The following DCHS1 variants were observed in gnomAD, a reference collection of about 807,000 sequenced individuals.
The protein encoded by DCHS1 is dachsous cadherin-related 1, also known as protocadherin-16.
A neutral mutation model predicts 213.9 loss-of-function variants in DCHS1; 78 were observed. The observed-to-expected ratio is 0.36, with a 90% CI of 0.30 to 0.44. The LOEUF (loss-of-function observed/expected upper bound fraction) is 0.44, where lower values mean the gene tolerates loss of function less well. Among genes scored for constraint, DCHS1 ranks in the 20% least tolerant of loss-of-function variants. The pLI, the probability that DCHS1 is intolerant of heterozygous loss-of-function variation, is 1.00. For synonymous variants in DCHS1, 1,828 were observed against 1,873.7 expected (o/e 0.98, Z 0.63); for missense variants, 3,946 against 4,395.9 (o/e 0.90, Z 2.89).
At chr11:6,631,982 G>C in intron 6 of DCHS1, 49 bp downstream of exon 6, 2 of 1,485,522 alleles carry the variant, frequency 1.3e-6, no homozygotes, top group Non-Finnish European at 1.8e-6. Context: ...ATGTTCACCA[G>C]GCTGGGGATA....
At chr11:6,634,080 C>G (rs1855954205) in intron 3 of DCHS1, 38 bp downstream of exon 3, 40 of 1,599,012 alleles carry the variant, frequency 2.5e-5, no homozygotes, top group Non-Finnish European at 3.3e-5. Context: ...GAGTGCCCTA[C>G]CCCAACATCC....
Position 6,624,263 on chromosome 11 carries a change from C to A in DCHS1, c.7413G>T (p.Gln2471His), listed in dbSNP as rs1855755383. The A allele has an allele frequency of 1.2e-6, 2 of 1,611,482 alleles. No individual in the cohort carries two copies. Among genetic ancestry groups the A allele is most frequent in the African/African-American group, 1.3e-5 (1 of 74,926 alleles). Residue 2471 changes from glutamine (Q) to histidine (H), a missense_variant, in exon 21 of 21, where the codon CAG becomes CAT. Gln to His is a conservative substitution (Grantham distance 24). Around this residue, in one of 3 missense-constraint regions of DCHS1, gnomAD observed 3,384 missense variants for 3,780.1 expected, o/e 0.90. Coordinates refer to ENST00000299441, the MANE Select transcript of DCHS1 (RefSeq NM_003737.4). ...GGGCGTGGTCGTTCTGGTCCTGCAG[C>A]TGCACGTGCACTGTGGCTCGTGCTG... is the stretch of plus-strand genomic sequence containing the variant. ...GRAARATVHV[Q>H]LQDQNDHAPS... is the part of the protein sequence containing the mutation.
At position 6,628,416 on chromosome 11, in the gene DCHS1, GAAGA is replaced by G. The variant is rs1285156749; in HGVS notation, c.5371+201_5371+204del. 3.3e-5 allele frequency among the ~76,000 whole-genome samples: 5 copies of G among 152,170 alleles called. No individual in the cohort carries two copies. The highest frequency in any genetic ancestry group is 6.5e-5 in the Admixed American group (1 of 15,276). ...GACAAATGAGAAAGAAAAGAAATAG[GAAGA>G]TAGAAACAGAGACACACAGGGAGAT... On this transcript the variant is annotated intron_variant, in intron 13 of 20. Transcript: ENST00000299441. This position sits in a 1 kb window ranked among gnomAD's most constrained non-coding sequence, Gnocchi z 4.3.
rs1808058031 is a variant in DCHS1 at position 6,625,216 on chromosome 11, G to A, written c.7128C>T (p.Phe2376=). 1.3e-6 allele frequency: 2 copies of A among 1,598,406 alleles called. No individual in the cohort carries two copies. The highest frequency in any genetic ancestry group is 1.3e-5 in the African/African-American group (1 of 74,620). Residue 2376 remains phenylalanine (F), a synonymous_variant, in exon 19 of 21, where the codon TTC becomes TTT. Coordinates refer to ENST00000299441, the MANE Select transcript of DCHS1 (RefSeq NM_003737.4). This position sits in a 1 kb window ranked among gnomAD's most constrained non-coding sequence, Gnocchi z 5.3. ...VEDVNDNAPA[F]SQSLYQVMLL... is the part of the protein sequence containing the mutation. Reference sequence around the variant, plus strand: ...TCAATACCTGGTAGAGGCTCTGTGAGAAGGCAGGTGCATTGTCATTGACAT... The same window carrying A: ...TCAATACCTGGTAGAGGCTCTGTGAAAAGGCAGGTGCATTGTCATTGACAT...
Position 6,630,799 on chromosome 11 carries a change from G to A in DCHS1, c.3995C>T (p.Pro1332Leu), listed in dbSNP as rs1589956225. The A allele has an allele frequency of 1.9e-6, 3 of 1,543,926 alleles. No individual in the cohort carries two copies. The highest frequency in any genetic ancestry group is 4.9e-5 in the East Asian group (2 of 41,088). Residue 1332 changes from proline (P) to leucine (L), a missense_variant, in exon 10 of 21, where the codon CCA becomes CTA. Around this residue, in one of 3 missense-constraint regions of DCHS1, gnomAD observed 3,384 missense variants for 3,780.1 expected, o/e 0.90. Transcript: ENST00000299441. ...PDLAERDPAA[P>L]VPVVLTVTAA... The stretch of plus-strand genomic sequence containing the variant: ...TGTCACCGTCAGCACGACAGGCACT[G>A]GTGCCGCTGGGTCCCGCTCTGCGAG...
At chr11:6,643,618 G>A (rs759546913) in intron 1 of DCHS1, among the ~76,000 whole-genome samples, 7 of 152,080 alleles carry the variant, frequency 4.6e-5, no homozygotes, top group South Asian at 2.1e-4. Flanking sequence ...GGTGCTTTTC[G>A]GGGTTCAGTC....
intron 8 of DCHS1, 41 bp downstream of exon 8, chr11:6,631,270 C>G (rs767685071): frequency 6.2e-7 from 1 of 1,613,912 alleles, no homozygotes; most frequent in Non-Finnish European, 8.5e-7. Context: ...GCCATGAGGG[C>G]ATGCCATCAC....
At position 6,629,812 on chromosome 11, in the gene DCHS1, G is replaced by A. The variant is rs762690260; in HGVS notation, c.4895C>T (p.Thr1632Met). The A allele has an allele frequency of 6.2e-7, 1 of 1,613,302 alleles. No homozygotes were observed. The highest frequency in any genetic ancestry group is 1.1e-5 in the South Asian group (1 of 91,082). The change falls in exon 11 of 21, where the codon ACG becomes ATG. Residue 1632 changes from threonine (T) to methionine (M), a missense_variant. Thr to Met is a moderately conservative substitution (Grantham distance 81). Coordinates refer to ENST00000299441, the MANE Select transcript of DCHS1 (RefSeq NM_003737.4). ...AGCGACACTGACGGTCAGGACCTGC[G>A]TGGCCGAGCGCGGCGGGGAGCCGTG... is the stretch of plus-strand genomic sequence containing the variant. The part of the protein sequence containing the change: ...SDHGSPPRSA[T>M]QVLTVSVADV...
At position 6,633,510 on chromosome 11, in the gene DCHS1, G is replaced by A. The variant is rs1336124542; in HGVS notation, c.2357C>T (p.Thr786Ile). ...VDISIVPGTP[T>I]PPIFEQLQYV... ...CTGTAGTTGCTCAAATATGGGTGGT[G>A]TGGGGGTTCCAGGCACAATGCTGAT... is the stretch of plus-strand genomic sequence containing the variant. The change falls in exon 5 of 21, where the codon ACA becomes ATA. Residue 786 changes from threonine (T) to isoleucine (I), a missense_variant. Transcript: ENST00000299441. The A allele has an allele frequency of 1.9e-6, 3 of 1,584,134 alleles. No individual in the cohort carries two copies. The highest frequency in any genetic ancestry group is 2.6e-6 in the Non-Finnish European group (3 of 1,164,526).
At position 6,626,144 on chromosome 11, in the gene DCHS1, C is replaced by G. The variant is rs773515629; in HGVS notation, c.6576+25G>C. 3 of 1,596,384 alleles carry G rather than the reference C, an allele frequency of 1.9e-6. No individual in the cohort carries two copies. The highest frequency in any genetic ancestry group is 2.6e-6 in the Non-Finnish European group (3 of 1,171,622). On this transcript the variant is annotated intron_variant, in intron 16 of 20. Transcript: ENST00000299441. The surrounding 1 kb of genome is among the most constrained non-coding windows in gnomAD (Gnocchi z 5.2). ...AGTCTGACTAGCCCTGCTCCCCCGC[C>G]CAATCTTTCCATCACACCCCGCACC...
chr11:6,652,444 G>C (rs757210086), intron 1 of DCHS1, among the ~76,000 whole-genome samples: 4 of 152,246 alleles, frequency 2.6e-5, no homozygotes, highest in Non-Finnish European at 5.9e-5. Flanking sequence ...GAAGAAAAGT[G>C]AGGAAGCCTC....
rs2134622092 is a variant in DCHS1 at position 6,628,762 on chromosome 11, C to T, written c.5230G>A (p.Glu1744Lys). 1.2e-6 allele frequency: 2 copies of T among 1,614,014 alleles called. No homozygotes were observed. The highest frequency in any genetic ancestry group is 8.5e-7 in the Non-Finnish European group (1 of 1,179,896). The change falls in exon 13 of 21, where the codon GAG becomes AAG. Residue 1744 changes from glutamate to lysine, a missense_variant. Coordinates refer to ENST00000299441, the MANE Select transcript of DCHS1 (RefSeq NM_003737.4). This position sits in a 1 kb window ranked among gnomAD's most constrained non-coding sequence, Gnocchi z 4.3. ...CCAAAGGTTGGTGCATGGTCATTCT[C>T]ATCCTCCACAGCCACTCGAACAGTG... The part of the protein sequence containing the change: ...HVTVRVAVED[E>K]NDHAPTFGSA...
At position 6,628,081 on chromosome 11, in the gene DCHS1, G is replaced by A. The variant is rs1201488167; in HGVS notation, c.5372-414C>T. On this transcript the variant is annotated intron_variant, in intron 13 of 20. Coordinates refer to ENST00000299441, the MANE Select transcript of DCHS1 (RefSeq NM_003737.4). The surrounding 1 kb of genome is among the most constrained non-coding windows in gnomAD (Gnocchi z 4.3). ...GACAGAAAGTTTAGAGCATGAATCT[G>A]TGTGTCTTCAGAGATTCAGTTTGTT... Among the ~76,000 whole-genome samples, 1 of 152,232 alleles carries A rather than the reference G, an allele frequency of 6.6e-6. No homozygotes were observed. Among genetic ancestry groups the A allele is most frequent in the Non-Finnish European group, 1.5e-5 (1 of 68,044 alleles).
chr11:6,632,506 G>T lies in DCHS1; in HGVS notation c.3006C>A (p.Ser1002Arg). The T allele has an allele frequency of 6.4e-7, 1 of 1,556,660 alleles. No individual in the cohort carries two copies. ...AGGGCAGGTCCACACGGTAGGTAGGGCTGTTGAATCGGGGAGCCAGCCCAC... is the reference window on the plus strand; with the variant it reads ...AGGGCAGGTCCACACGGTAGGTAGGTCTGTTGAATCGGGGAGCCAGCCCAC... ...GTRGLAPRFN[S>R]PTYRVDLPSG... The change falls in exon 6 of 21, where the codon AGC becomes AGA. Residue 1002 changes from serine to arginine, a missense_variant. Around this residue, in one of 3 missense-constraint regions of DCHS1, gnomAD observed 3,384 missense variants for 3,780.1 expected, o/e 0.90. Transcript: ENST00000299441. This position sits in a 1 kb window ranked among gnomAD's most constrained non-coding sequence, Gnocchi z 5.9.
rs547292409 is a variant in DCHS1 at position 6,628,779 on chromosome 11, C to G, written c.5213G>C (p.Arg1738Pro). 5 of 1,613,844 alleles carry G rather than the reference C, an allele frequency of 3.1e-6. No homozygotes were observed. The highest frequency in any genetic ancestry group is 3.4e-6 in the Non-Finnish European group (4 of 1,179,884). ...GTCATTCTCATCCTCCACAGCCACT[C>G]GAACAGTGACATGCGTTAACTGAGG... is the stretch of plus-strand genomic sequence containing the variant. ...SPPQLTHVTV[R>P]VAVEDENDHA... Residue 1738 changes from arginine to proline, a missense_variant, in exon 13 of 21, where the codon CGA becomes CCA. Physicochemically the swap from Arg to Pro is moderately radical, Grantham distance 103. Around this residue, in one of 3 missense-constraint regions of DCHS1, gnomAD observed 3,384 missense variants for 3,780.1 expected, o/e 0.90. Coordinates refer to ENST00000299441, the MANE Select transcript of DCHS1 (RefSeq NM_003737.4). The surrounding 1 kb of genome is among the most constrained non-coding windows in gnomAD (Gnocchi z 4.3).
rs186905311 is a variant in DCHS1 at position 6,648,113 on chromosome 11, G to T, written c.-120-6380C>A. On this transcript the variant is annotated intron_variant, in intron 1 of 20. Coordinates refer to ENST00000299441, the MANE Select transcript of DCHS1 (RefSeq NM_003737.4). ...GTGACTGTTGGGATCCCCATGTGAA[G>T]ATATTCAAGCACAGCTGGGTTTGCA... 2.0e-3 allele frequency among the ~76,000 whole-genome samples: 300 copies of T among 152,298 alleles called. 2 individuals carry two copies. Among genetic ancestry groups the T allele is most frequent in the African/African-American group, 6.8e-3 (283 of 41,568 alleles).
At position 6,631,170 on chromosome 11, in the gene DCHS1, C is replaced by G. The variant is rs1452982240; in HGVS notation, c.3813G>C (p.Gly1271=). 2 of 1,611,636 alleles carry G rather than the reference C, an allele frequency of 1.2e-6. No homozygotes were observed. The highest frequency in any genetic ancestry group is 1.7e-6 in the Non-Finnish European group (2 of 1,178,526). ...TCAGGGGAGCTGCAGTGAGCAGCTC[C>G]CCTGAGTGAGGGTGCAGAGAGAAAA... ...SELFSLHPHS[G]ELLTAAPLIR... The change falls in exon 9 of 21, where the codon GGG becomes GGC. Residue 1271 remains glycine (G), a synonymous_variant. Transcript: ENST00000299441.
chr11:6,633,137 G>C, intron 5 of DCHS1, 81 bp from the exon 6 acceptor site: 6 of 1,489,632 alleles, frequency 4.0e-6, no homozygotes, highest in Non-Finnish European at 5.5e-6. Context: ...TCCCGAGAAG[G>C]ACTGGGCAGT....
In DCHS1 at chr11:6,627,731, C is replaced by T; in HGVS notation, c.5372-64G>A. On this transcript the variant is annotated intron_variant, in intron 13 of 20. Transcript: ENST00000299441. The surrounding 1 kb of genome is among the most constrained non-coding windows in gnomAD (Gnocchi z 5.4). ...CGTGGGGATGGGGGTGATTTACAGACAACAGGAGAGAGTGAGCATGTGCAC... is the reference window on the plus strand; with the variant it reads ...CGTGGGGATGGGGGTGATTTACAGATAACAGGAGAGAGTGAGCATGTGCAC... 1 of 1,532,388 alleles carries T rather than the reference C, an allele frequency of 6.5e-7. No homozygotes were observed. The highest frequency in any genetic ancestry group is 8.8e-7 in the Non-Finnish European group (1 of 1,132,174). 94.9% of individuals were successfully genotyped at this position (1,532,388 alleles called of 1,614,324 possible).
Sources: allele counts gnomAD v4.1 joint callset (sites outside exome capture counted in the v4.1 genomes callset), GRCh38; gene constraint gnomAD v4.1.1; regional missense constraint gnomAD v4.1.1; non-coding constraint Gnocchi (gnomAD v3.1); transcripts MANE v1.5; gene names NCBI Gene and HGNC (gene_info 2026-07-23, HGNC 2026-07-21).